Variants in NTM observed in about 807,000 individuals in gnomAD.
The protein encoded by NTM is IgLON family member 2.
NTM carries 13 observed loss-of-function variants against 42.1 expected under a neutral mutation model. The observed-to-expected ratio is 0.31, with a 90% confidence interval of 0.20 to 0.49. The LOEUF (loss-of-function observed/expected upper bound fraction) is 0.49, where lower values mean the gene tolerates loss of function less well. Ranked by LOEUF, NTM falls within the 20% of genes least tolerant of loss-of-function variation. NTM has a pLI of 0.99. For synonymous variants in NTM, 187 were observed against 179.2 expected (o/e 1.04, Z -0.35); for missense variants, 373 against 452.8 (o/e 0.82, Z 1.60).
At chr11:132,147,103 G>A (rs376428614) in intron 3 of NTM, among the ~76,000 whole-genome samples, 1 of 151,132 alleles carries the variant, frequency 6.6e-6, no homozygotes, top group Non-Finnish European at 1.5e-5. Flanking sequence ...GATTCTCCCT[G>A]TTTTGATTCC....
At chr11:131,467,353 C>G (rs1019453005) in intron 1 of NTM, among the ~76,000 whole-genome samples, 5 of 152,162 alleles carry the variant, frequency 3.3e-5, no homozygotes, top group African/African-American at 1.2e-4. Context: ...CATAACTCAT[C>G]AGTAGTGGTC....
intron 1 of NTM, among the ~76,000 whole-genome samples, chr11:131,765,399 C>A (rs2084939700): frequency 6.6e-6 from 1 of 152,172 alleles, no homozygotes; most frequent in Admixed American, 6.5e-5. Context: ...CAGGTTCAAC[C>A]CCCATCTCTC....
At chr11:132,248,098 A>C (rs2091438873) in intron 4 of NTM, among the ~76,000 whole-genome samples, 1 of 152,196 alleles carries the variant, frequency 6.6e-6, no homozygotes. Flanking sequence ...TGTCTGATGA[A>C]TCTTTAATTC....
chr11:132,281,779 G>T (rs1355795537), intron 4 of NTM, among the ~76,000 whole-genome samples: 2 of 152,092 alleles, frequency 1.3e-5, no homozygotes, highest in Non-Finnish European at 2.9e-5. Context: ...GAAGCGTTCA[G>T]GAATATAGCC....
At chr11:132,004,514 TG>T (rs1478978011) in intron 2 of NTM, among the ~76,000 whole-genome samples, 1 of 152,194 alleles carries the variant, frequency 6.6e-6, no homozygotes, top group African/African-American at 2.4e-5. Context: ...ATTGTCCACT[TG>T]GAAACCTGAT....
intron 1 of NTM, among the ~76,000 whole-genome samples, chr11:131,474,101 CT>C (rs1447057713): frequency 1.3e-5 from 2 of 152,152 alleles, no homozygotes; most frequent in Non-Finnish European, 2.9e-5. Context: ...AATCTGGCCC[CT>C]AGTCTTACTT....
Position 131,399,836 on chromosome 11 carries a change from T to C in NTM, c.82+28948T>C, listed in dbSNP as rs540665299. Among the ~76,000 whole-genome samples the C allele has an allele frequency of 3.2e-4, 48 of 152,252 alleles. 1 individual carries two copies. The South Asian group carries it at 9.6e-3, about 30-fold the overall frequency. ...GATGGCTCTTCCTCCAGCATAGAAA[T>C]TGATGGCTGGTTATCCAGACAGCAA... On this transcript the variant is annotated intron_variant, in intron 1 of 8. Coordinates refer to ENST00000683400, the MANE Select transcript of NTM (RefSeq NM_001352005.2).
At chr11:131,550,346 G>A (rs1410965645) in intron 1 of NTM, among the ~76,000 whole-genome samples, 1 of 152,158 alleles carries the variant, frequency 6.6e-6, no homozygotes, top group Non-Finnish European at 1.5e-5. Flanking sequence ...CAGGGTTTGA[G>A]ACTGTGTCGC....
intron 4 of NTM, among the ~76,000 whole-genome samples, chr11:132,245,228 C>T (rs1328261556): frequency 4.6e-5 from 7 of 152,046 alleles, no homozygotes; most frequent in Non-Finnish European, 7.4e-5. Context: ...GTGGCCGCCT[C>T]CTGGAGCTTT....
At chr11:132,120,115 G>A (rs953720356) in intron 2 of NTM, among the ~76,000 whole-genome samples, 13 of 101,212 alleles carry the variant, frequency 1.3e-4, no homozygotes, top group African/African-American at 4.0e-4. Flanking sequence ...TCTACAGCTC[G>A]GCTGATGATT....
chr11:131,442,353 TAGCAGC>T (rs559541612), intron 1 of NTM, among the ~76,000 whole-genome samples: 1 of 152,044 alleles, frequency 6.6e-6, no homozygotes, highest in South Asian at 2.1e-4. Flanking sequence ...ATGACAGCAA[TAGCAGC>T]AGCAGCAGCA....
intron 1 of NTM, among the ~76,000 whole-genome samples, chr11:131,575,647 ATTTC>A (rs976816945): frequency 2.6e-5 from 4 of 152,144 alleles, no homozygotes; most frequent in African/African-American, 9.7e-5. Flanking sequence ...CTTTCACTCT[ATTTC>A]CTTCTACTGT....
chr11:132,268,080 A>G (rs1165465974), intron 4 of NTM, among the ~76,000 whole-genome samples: 1 of 152,164 alleles, frequency 6.6e-6, no homozygotes, highest in Non-Finnish European at 1.5e-5. Flanking sequence ...CATACCTATA[A>G]TATTACCAAA....
At chr11:131,968,828 C>T (rs774982967) in intron 2 of NTM, among the ~76,000 whole-genome samples, 13 of 152,192 alleles carry the variant, frequency 8.5e-5, no homozygotes, top group Non-Finnish European at 1.5e-4. Flanking sequence ...CCTTCCACCC[C>T]CTTAATTCTC....
In NTM at chr11:131,814,491, G is replaced by A. The variant is rs78680729; in HGVS notation, c.83-97073G>A. On this transcript the variant is annotated intron_variant, in intron 1 of 8. Coordinates refer to ENST00000683400, the MANE Select transcript of NTM (RefSeq NM_001352005.2). ...CACAGGTTCTGGAACCTTTCCATACGGTTTCAGATGGCAGTACATTTTCAT... is the reference window on the plus strand; with the variant it reads ...CACAGGTTCTGGAACCTTTCCATACAGTTTCAGATGGCAGTACATTTTCAT... 8.6e-3 allele frequency among the ~76,000 whole-genome samples: 1,315 copies of A among 152,200 alleles called. 21 individuals carry two copies. The highest frequency in any genetic ancestry group is 0.03 in the African/African-American group (1,237 of 41,532).
intron 2 of NTM, among the ~76,000 whole-genome samples, chr11:131,983,592 T>A (rs909635203): frequency 6.6e-6 from 1 of 152,122 alleles, no homozygotes; most frequent in Non-Finnish European, 1.5e-5. Flanking sequence ...GCTGGGCTAG[T>A]CTTGAACTCC....
chr11:131,423,857 C>G (rs1395906547), intron 1 of NTM, among the ~76,000 whole-genome samples: 1 of 152,184 alleles, frequency 6.6e-6, no homozygotes, highest in African/African-American at 2.4e-5. Flanking sequence ...CTGTAGACAG[C>G]AATTCCAGTT....
At chr11:131,533,360 C>T (rs1436162449) in intron 1 of NTM, among the ~76,000 whole-genome samples, 1 of 152,188 alleles carries the variant, frequency 6.6e-6, no homozygotes, top group Non-Finnish European at 1.5e-5. Flanking sequence ...ATTTAAGGAA[C>T]TGGGAAAGGG....
intron 2 of NTM, among the ~76,000 whole-genome samples, chr11:131,970,253 A>T (rs934761889): frequency 6.6e-6 from 1 of 152,148 alleles, no homozygotes; most frequent in Non-Finnish European, 1.5e-5. Context: ...CAATTTTTCT[A>T]TGTTGACCTG....
Sources: allele counts gnomAD v4.1 joint callset (sites outside exome capture counted in the v4.1 genomes callset), GRCh38; gene constraint gnomAD v4.1.1; transcripts MANE v1.5; gene names NCBI Gene and HGNC (gene_info 2026-07-23, HGNC 2026-07-21).